The following CDH26 variants were observed in gnomAD, a reference collection of about 807,000 sequenced individuals.
CDH26 encodes the protein cadherin 26, also known as cadherin-like protein 26.
Under a neutral mutation model 90.3 loss-of-function variants are expected in CDH26, and 83 were observed. That is an observed-to-expected ratio of 0.92 (90% confidence interval 0.77 to 1.10). The LOEUF (loss-of-function observed/expected upper bound fraction) is 1.10, where lower values mean the gene tolerates loss of function less well. Among genes scored for constraint, CDH26 ranks in the 50% least tolerant of loss-of-function variants. The pLI, the probability that CDH26 is intolerant of heterozygous loss-of-function variation, is 0.00. For synonymous variants in CDH26, 397 were observed against 396.3 expected, an observed-to-expected ratio of 1.00 and a Z score of -0.02; for missense variants, 1,013 against 1,037.6, an observed-to-expected ratio of 0.98 and a Z score of 0.33.
chr20:60,017,247 T>C (rs965884193), downstream of CDH26, among the ~76,000 whole-genome samples: 65 of 152,206 alleles, frequency 4.3e-4, no homozygotes, highest in African/African-American at 1.4e-3. Flanking sequence ...CCCTGAACTT[T>C]CTTTTCTTGA....
At chr20:60,026,136 TG>T (rs1020290653) in intron 7 of CDH26, among the ~76,000 whole-genome samples, 4 of 152,308 alleles carry the variant, frequency 2.6e-5, no homozygotes, top group African/African-American at 9.6e-5. Context: ...TAACCCGCTC[TG>T]GGAAGTCTGT....
chr20:59,983,056 A>T lies in CDH26; in HGVS notation c.527A>T (p.Glu176Val), dbSNP rs761949015. Residue 176 changes from glutamate to valine, a missense_variant, in exon 5 of 18, where the codon GAA becomes GTA. Coordinates refer to ENST00000348616, the MANE Select transcript of CDH26 (RefSeq NM_177980.4). ...PEKEFNITVQENQSAGQPIFQ... is the reference protein window; with the variant it reads ...PEKEFNITVQVNQSAGQPIFQ... ...AAGGAATTTAACATCACTGTGCAAG[A>T]AAACCAATCTGCAGGTGTGTGCGGC... The T allele has an allele frequency of 6.2e-7, 1 of 1,614,072 alleles. No homozygotes were observed. Among genetic ancestry groups the T allele is most frequent in the East Asian group, 2.2e-5 (1 of 44,884 alleles).
Position 60,001,253 on chromosome 20 carries a change from G to T in CDH26, c.2098-90G>T, listed in dbSNP as rs2061673159. On this transcript the variant is annotated intron_variant, in intron 14 of 17. Coordinates refer to ENST00000348616, the MANE Select transcript of CDH26 (RefSeq NM_177980.4). ...GTTTGCCTATGAATATATGAGCAAG[G>T]GGAAGTGGTGAGAGGTCACGCATGC... is the stretch of plus-strand genomic sequence containing the variant. 9 of 1,479,894 alleles carry T rather than the reference G, an allele frequency of 6.1e-6. No homozygotes were observed. The South Asian group carries it at 9.3e-5, about 15-fold the overall frequency. The allele number at this position is 1,479,894 out of a possible 1,614,324, so 91.7% of individuals were successfully genotyped here. A position where few individuals can be genotyped will look rare whatever the true frequency, so the allele number is the denominator to read the frequency against.
chr20:59,988,867 A>T, intron 8 of CDH26, 37 bp from the exon 9 acceptor site: 1 of 1,605,406 alleles, frequency 6.2e-7, no homozygotes, highest in Non-Finnish European at 8.5e-7. Flanking sequence ...CCAGAGGAGC[A>T]GCAGGTGCTA....
intron 3 of CDH26, among the ~76,000 whole-genome samples, chr20:59,970,837 TAAATA>T (rs1422544028): frequency 2.0e-5 from 3 of 150,694 alleles, no homozygotes; most frequent in Non-Finnish European, 3.0e-5. Flanking sequence ...AATAAATAAA[TAAATA>T]AATAAATAAA....
chr20:59,970,177 C>T lies in CDH26; in HGVS notation c.222C>T (p.Leu74=), dbSNP rs530921974. 5.6e-6 allele frequency: 9 copies of T among 1,613,808 alleles called. No individual in the cohort carries two copies. Among genetic ancestry groups the T allele is most frequent in the East Asian group, 2.2e-5 (1 of 44,882 alleles). Residue 74 remains leucine, a synonymous_variant, in exon 3 of 18, where the codon CTC becomes CTT. Coordinates refer to ENST00000348616, the MANE Select transcript of CDH26 (RefSeq NM_177980.4). ...EEEDPGPFPK[L]IGELFNNMSY... The stretch of plus-strand genomic sequence containing the variant: ...AAGACCCGGGACCCTTTCCCAAACT[C>T]ATTGGTGAGGTAAGGTGCCTACTCT...
Position 59,992,256 on chromosome 20 carries a change from T to C in CDH26, c.1284-122T>C, listed in dbSNP as rs6071064. ...TCGTAGTTTAATTGCTCTTAGAATT[T>C]CTCAAATTACTTGTGGTAGAAATAG... On this transcript the variant is annotated intron_variant, in intron 9 of 17. Coordinates refer to ENST00000348616, the MANE Select transcript of CDH26 (RefSeq NM_177980.4). The surrounding 1 kb of genome is among the most constrained non-coding windows in gnomAD (Gnocchi z 5.0). 17,240 of 951,422 alleles carry C rather than the reference T, an allele frequency of 0.018. 198 individuals carry two copies. The highest frequency in any genetic ancestry group is 0.025 in the Middle Eastern group (94 of 3,688). 58.9% of individuals were successfully genotyped at this position (951,422 alleles called of 1,614,324 possible). A position where few individuals can be genotyped will look rare whatever the true frequency, so the allele number is the denominator to read the frequency against.
At chr20:59,997,548 G>A (rs1320258745) in intron 13 of CDH26, among the ~76,000 whole-genome samples, 5 of 152,246 alleles carry the variant, frequency 3.3e-5, no homozygotes, top group Non-Finnish European at 7.3e-5. Context: ...TCTGAAATGG[G>A]CCCTACATTA....
intron 4 of CDH26, among the ~76,000 whole-genome samples, chr20:59,972,375 G>A (rs2061273591): frequency 6.6e-6 from 1 of 152,156 alleles, no homozygotes; most frequent in African/African-American, 2.4e-5. Context: ...CAGTGTCCTA[G>A]CATGATCGGG....
At position 59,984,687 on chromosome 20, in the gene CDH26, C is replaced by A; in HGVS notation, c.590C>A (p.Thr197Asn). Residue 197 changes from threonine (T) to asparagine (N), a missense_variant, in exon 6 of 18, where the codon ACT (threonine) becomes AAT (asparagine). By Grantham distance (65) the Thr-to-Asn change is moderately conservative. Coordinates refer to ENST00000348616, the MANE Select transcript of CDH26 (RefSeq NM_177980.4). ...MLAVDLDEEN[T>N]PNSQVLYFLI... ...GCAGTCGATTTGGATGAAGAAAACA[C>A]TCCAAATTCTCAAGTCCTTTACTTC... 1 of 1,613,512 alleles carries A rather than the reference C, an allele frequency of 6.2e-7. No homozygotes were observed. The highest frequency in any genetic ancestry group is 8.5e-7 in the Non-Finnish European group (1 of 1,179,794).
Position 59,983,084 on chromosome 20 carries a change from G to T in CDH26, c.541+14G>T, listed in dbSNP as rs902338645. 3 of 1,611,162 alleles carry T rather than the reference G, an allele frequency of 1.9e-6. No individual in the cohort carries two copies. The highest frequency in any genetic ancestry group is 2.5e-6 in the Non-Finnish European group (3 of 1,178,290). The stretch of plus-strand genomic sequence containing the variant: ...ACCAATCTGCAGGTGTGTGCGGCTG[G>T]GGGGCTGCCGGGCTTCCTTCTGTCT... On this transcript the variant is annotated intron_variant, in intron 5 of 17. Transcript: ENST00000348616.
At chr20:59,967,942 T>C (rs950160386) in intron 1 of CDH26, among the ~76,000 whole-genome samples, 1 of 110,688 alleles carries the variant, frequency 9.0e-6, no homozygotes, top group African/African-American at 5.3e-5. Context: ...TCCCTTTCTT[T>C]CTTTCTTTCT....
chr20:59,961,069 TAGTC>T (rs1040680584), intron 1 of CDH26, among the ~76,000 whole-genome samples: 32 of 152,210 alleles, frequency 2.1e-4, no homozygotes, highest in Non-Finnish European at 1.0e-4. Context: ...CGAGTTTCCT[TAGTC>T]AGACAGCACA....
chr20:59,979,601 CTTTTTTTTTTTTTTTTTTT>C (rs559969476), intron 4 of CDH26, among the ~76,000 whole-genome samples: 870 of 47,406 alleles, frequency 0.018, 7 homozygotes, highest in South Asian at 0.033. Flanking sequence ...CTGCTATGCA[CTTTTTTTTTTTTTTTTTTT>C]TTTTTTTTTT....
downstream of CDH26, among the ~76,000 whole-genome samples, chr20:60,015,021 T>A (rs2061893380): frequency 2.0e-5 from 3 of 152,236 alleles, no homozygotes; most frequent in South Asian, 6.2e-4. Context: ...CTCACTTTAT[T>A]GCCCAGGCTG....
At chr20:59,994,699 C>G (rs146611798) in intron 11 of CDH26, among the ~76,000 whole-genome samples, 5 of 152,224 alleles carry the variant, frequency 3.3e-5, no homozygotes, top group Non-Finnish European at 5.9e-5. Flanking sequence ...TTAGGAAACT[C>G]TCCTCATCAG....
chr20:59,992,581 A>G lies in CDH26; in HGVS notation c.1426+61A>G. ...TCATTCTTGCTTCCTGCGGGAAAATAACCCTGGTGAGCGTCTTTCAGCACA... is the reference window on the plus strand; with the variant it reads ...TCATTCTTGCTTCCTGCGGGAAAATGACCCTGGTGAGCGTCTTTCAGCACA... On this transcript the variant is annotated intron_variant, in intron 10 of 17. Transcript: ENST00000348616. The surrounding 1 kb of genome is among the most constrained non-coding windows in gnomAD (Gnocchi z 5.0). The G allele has an allele frequency of 6.4e-7, 1 of 1,560,038 alleles. No individual in the cohort carries two copies. The highest frequency in any genetic ancestry group is 8.8e-7 in the Non-Finnish European group (1 of 1,132,112).
Position 59,992,325 on chromosome 20 carries a change from T to G in CDH26, c.1284-53T>G. On this transcript the variant is annotated intron_variant, in intron 9 of 17. Coordinates refer to ENST00000348616, the MANE Select transcript of CDH26 (RefSeq NM_177980.4). The surrounding 1 kb of genome is among the most constrained non-coding windows in gnomAD (Gnocchi z 5.0). Reference sequence around the variant, plus strand: ...TGTTTTTTTATGCAACTTTTTTATCTTTTAATGTAAGTTTTTAATTTTAAA... The same window carrying G: ...TGTTTTTTTATGCAACTTTTTTATCGTTTAATGTAAGTTTTTAATTTTAAA... 1 of 1,559,656 alleles carries G rather than the reference T, an allele frequency of 6.4e-7. No individual in the cohort carries two copies. Among genetic ancestry groups the G allele is most frequent in the South Asian group, 1.2e-5 (1 of 83,704 alleles).
chr20:59,963,909 C>G (rs748185457), intron 1 of CDH26, among the ~76,000 whole-genome samples: 4 of 151,980 alleles, frequency 2.6e-5, no homozygotes, highest in Non-Finnish European at 5.9e-5. Flanking sequence ...ATCTTAAAAC[C>G]TCTCTCCTCC....
Sources: allele counts gnomAD v4.1 joint callset (sites outside exome capture counted in the v4.1 genomes callset), GRCh38; gene constraint gnomAD v4.1.1; non-coding constraint Gnocchi (gnomAD v3.1); transcripts MANE v1.5; gene names NCBI Gene and HGNC (gene_info 2026-07-23, HGNC 2026-07-21).